Variants in ITGBL1 observed in about 807,000 individuals in gnomAD.
ITGBL1 encodes the protein integrin beta-like protein 1.
In ITGBL1, 51 loss-of-function variants were observed where a neutral mutation model predicts 68.5. The observed-to-expected ratio is 0.74, with a 90% confidence interval of 0.59 to 0.94. ITGBL1 has a LOEUF of 0.94. Ranked by LOEUF, ITGBL1 falls within the 40% of genes least tolerant of loss-of-function variation. ITGBL1 has a pLI of 0.00. For synonymous variants in ITGBL1, 209 were observed against 227.3 expected, an observed-to-expected ratio of 0.92 and a Z score of 0.72; for missense variants, 649 against 647.4, an observed-to-expected ratio of 1.00 and a Z score of -0.03.
intron 7 of ITGBL1, among the ~76,000 whole-genome samples, chr13:101,600,341 A>G (rs1057338642): frequency 2.6e-5 from 4 of 152,156 alleles, no homozygotes; most frequent in African/African-American, 9.7e-5. Flanking sequence ...TTTTGGGCTG[A>G]GACAATGGGG....
Position 101,591,351 on chromosome 13 carries a change from A to G in ITGBL1, c.869-6802A>G, listed in dbSNP as rs552890365. ...CATATGTCATGTATGTTTATTAATA[A>G]TAACAATTTTCTTTTCCTTTCAACT... is the stretch of plus-strand genomic sequence containing the variant. On this transcript the variant is annotated intron_variant, in intron 6 of 10. Coordinates refer to ENST00000376180, the MANE Select transcript of ITGBL1 (RefSeq NM_004791.3). Among the ~76,000 whole-genome samples, 228 of 152,238 alleles carry G rather than the reference A, an allele frequency of 1.5e-3. 1 individual carries two copies. Among genetic ancestry groups the G allele is most frequent in the Admixed American group, 2.4e-3 (37 of 15,270 alleles).
In ITGBL1 at chr13:101,716,051, A is replaced by T. The variant is rs1250366338; in HGVS notation, c.*397A>T. ...TGTACAGGACAGCCCCCAAACAAGG[A>T]ATTATCCAGCCCCAAATGCCAATAG... On this transcript the variant is annotated 3_prime_UTR_variant, in exon 11 of 11. Transcript: ENST00000376180. The T allele has an allele frequency of 6.4e-6, 1 of 157,008 alleles. No homozygotes were observed. The highest frequency in any genetic ancestry group is 1.4e-5 in the Non-Finnish European group (1 of 71,402). 9.7% of individuals were successfully genotyped at this position (157,008 alleles called of 1,614,324 possible).
chr13:101,501,771 A>G (rs2048946768), intron 2 of ITGBL1, among the ~76,000 whole-genome samples: 2 of 152,116 alleles, frequency 1.3e-5, no homozygotes, highest in Non-Finnish European at 2.9e-5. Context: ...GTGTTCCCAT[A>G]AGGTCAGCAC....
intron 6 of ITGBL1, among the ~76,000 whole-genome samples, chr13:101,585,685 C>A (rs917127586): frequency 3.3e-5 from 5 of 152,108 alleles, no homozygotes; most frequent in African/African-American, 4.8e-5. Context: ...CAGCCTCGGC[C>A]TCCCAAAGTG....
intron 2 of ITGBL1, among the ~76,000 whole-genome samples, chr13:101,489,707 A>G (rs2048748537): frequency 6.6e-6 from 1 of 152,206 alleles, no homozygotes; most frequent in African/African-American, 2.4e-5. Context: ...GAAGAGAGTT[A>G]GGGAACTTTT....
chr13:101,653,860 TTTG>T (rs869042752), intron 7 of ITGBL1, among the ~76,000 whole-genome samples: 1 of 65,852 alleles, frequency 1.5e-5, no homozygotes, highest in African/African-American at 5.3e-5. Context: ...AGCTACTTTT[TTTG>T]TTTTTTGTTT....
chr13:101,461,332 A>G (rs1194910034), intron 2 of ITGBL1, among the ~76,000 whole-genome samples: 1 of 152,142 alleles, frequency 6.6e-6, no homozygotes, highest in African/African-American at 2.4e-5. Context: ...TCTGAGCCTC[A>G]TATACATATT....
chr13:101,605,302 A>C (rs1047476882), intron 7 of ITGBL1, among the ~76,000 whole-genome samples: 1 of 127,102 alleles, frequency 7.9e-6, no homozygotes, highest in African/African-American at 2.9e-5. Flanking sequence ...ATACACATAT[A>C]TAGGCATGTA....
At chr13:101,470,382 TG>T in intron 2 of ITGBL1, among the ~76,000 whole-genome samples, 1 of 151,980 alleles carries the variant, frequency 6.6e-6, no homozygotes. Context: ...CAGGCTGGAG[TG>T]CAGTGGCGCG....
chr13:101,485,063 A>G (rs1226905237), intron 2 of ITGBL1, among the ~76,000 whole-genome samples: 2 of 152,248 alleles, frequency 1.3e-5, no homozygotes, highest in Non-Finnish European at 2.9e-5. Flanking sequence ...ACAGTAGAAC[A>G]ACATCTTTAA....
At chr13:101,704,004 G>A (rs1050309270) in intron 8 of ITGBL1, among the ~76,000 whole-genome samples, 4 of 152,154 alleles carry the variant, frequency 2.6e-5, no homozygotes, top group African/African-American at 9.7e-5. Flanking sequence ...CTGGGGAGGG[G>A]AGGGGACGGG....
At chr13:101,551,462 A>G (rs2049919546) in intron 2 of ITGBL1, among the ~76,000 whole-genome samples, 1 of 152,172 alleles carries the variant, frequency 6.6e-6, no homozygotes, top group Admixed American at 6.5e-5. Context: ...GCTCCTTGAA[A>G]GGAATGGACC....
intron 7 of ITGBL1, among the ~76,000 whole-genome samples, chr13:101,654,792 A>G (rs2139461710): frequency 6.6e-6 from 1 of 152,266 alleles, no homozygotes; most frequent in Admixed American, 6.5e-5. Flanking sequence ...GCAACCACCC[A>G]GGGAGAAAGT....
At chr13:101,519,066 A>T (rs995574623) in intron 2 of ITGBL1, among the ~76,000 whole-genome samples, 4 of 152,154 alleles carry the variant, frequency 2.6e-5, no homozygotes, top group African/African-American at 9.7e-5. Context: ...TAGATACTAA[A>T]CTTTAAAAAT....
chr13:101,498,126 ACTTTTT>A (rs2048884335), intron 2 of ITGBL1, among the ~76,000 whole-genome samples: 2 of 151,450 alleles, frequency 1.3e-5, no homozygotes, highest in South Asian at 4.2e-4. Flanking sequence ...TTTTTGTTGC[ACTTTTT>A]CTTTTTTTTA....
intron 9 of ITGBL1, chr13:101,713,904 C>T (rs1323045882): frequency 6.5e-6 from 1 of 152,754 alleles, no homozygotes; most frequent in Non-Finnish European, 1.5e-5. Context: ...TACTGAGTGA[C>T]TGTATGCATT....
In ITGBL1 at chr13:101,607,225, C is replaced by T. The variant is rs576067335; in HGVS notation, c.1015+8926C>T. 5.2e-3 allele frequency among the ~76,000 whole-genome samples: 794 copies of T among 152,000 alleles called. 3 individuals are homozygous for T. Among genetic ancestry groups the T allele is most frequent in the Non-Finnish European group, 6.9e-3 (467 of 67,914 alleles). Reference sequence around the variant, plus strand: ...GGTAGGAAGACGTATAATTATTATTCTTTTTACAGAAGAAGAAATTAGATA... The same window carrying T: ...GGTAGGAAGACGTATAATTATTATTTTTTTTACAGAAGAAGAAATTAGATA... On this transcript the variant is annotated intron_variant, in intron 7 of 10. Coordinates refer to ENST00000376180, the MANE Select transcript of ITGBL1 (RefSeq NM_004791.3).
intron 2 of ITGBL1, among the ~76,000 whole-genome samples, chr13:101,556,155 CG>C (rs1566730328): frequency 4.6e-5 from 7 of 152,078 alleles, no homozygotes. Context: ...CAAAGGAAGA[CG>C]CAGAGATAAT....
At chr13:101,536,742 T>G (rs150519835) in intron 2 of ITGBL1, among the ~76,000 whole-genome samples, 1 of 152,090 alleles carries the variant, frequency 6.6e-6, no homozygotes, top group East Asian at 1.9e-4. Flanking sequence ...ACTTCTATTA[T>G]TTCCCTATGG....
Sources: gnomAD v4.1 joint callset for allele counts (sites outside exome capture counted in the v4.1 genomes callset) on GRCh38, gnomAD v4.1.1 for gene constraint, MANE v1.5 for transcripts, NCBI Gene and HGNC (gene_info 2026-07-23, HGNC 2026-07-21) for gene names.